Variants in COL22A1 observed in about 807,000 individuals in gnomAD.
COL22A1 encodes the protein collagen type XXII alpha 1 chain, also known as collagen alpha-1(XXII) chain.
Under a neutral mutation model 248.9 loss-of-function variants are expected in COL22A1, and 221 were observed. The ratio of observed to expected loss-of-function variants is 0.89; its 90% confidence interval spans 0.80 to 0.99. The LOEUF (loss-of-function observed/expected upper bound fraction) is 0.99. Among genes scored for constraint, COL22A1 ranks in the 50% least tolerant of loss-of-function variants. The pLI is 0.00. For synonymous variants in COL22A1, 891 were observed against 793.4 expected (o/e 1.12, Z -2.07); for missense variants, 2,240 against 2,179.0 (o/e 1.03, Z -0.56).
chr8:138,708,418 G>C (rs2131032890), intron 30 of COL22A1, among the ~76,000 whole-genome samples: 1 of 152,274 alleles, frequency 6.6e-6, no homozygotes, highest in African/African-American at 2.4e-5. Context: ...AAAACAGCAT[G>C]GTACTGGTAC....
intron 1 of COL22A1, among the ~76,000 whole-genome samples, chr8:138,892,045 A>G (rs1169337089): frequency 1.3e-5 from 2 of 152,164 alleles, no homozygotes; most frequent in Admixed American, 1.3e-4. Context: ...ATTTGCTAAT[A>G]TTTTGTTGAG....
At chr8:138,802,731 A>G (rs1586777143) in intron 11 of COL22A1, 141 bp downstream of exon 11, 1 of 706,642 alleles carries the variant, frequency 1.4e-6, no homozygotes, top group Non-Finnish European at 2.6e-6. Flanking sequence ...CTAGGGCTTC[A>G]TCTTGAGGGT....
Position 138,715,665 on chromosome 8 carries a change from G to C in COL22A1, c.2517+17C>G. On this transcript the variant is annotated intron_variant, in intron 30 of 64. Transcript: ENST00000303045. Reference sequence around the variant, plus strand: ...TAATAATAATTGATGGTCAGAATGAGAGCAAGTTTCTCCTACCTTTTCACC... The same window carrying C: ...TAATAATAATTGATGGTCAGAATGACAGCAAGTTTCTCCTACCTTTTCACC... 3 of 1,600,750 alleles carry C rather than the reference G, an allele frequency of 1.9e-6. No homozygotes were observed. Among genetic ancestry groups the C allele is most frequent in the Non-Finnish European group, 2.6e-6 (3 of 1,170,886 alleles).
At chr8:138,652,627 C>A (rs1356927052) in intron 45 of COL22A1, among the ~76,000 whole-genome samples, 1 of 150,564 alleles carries the variant, frequency 6.6e-6, no homozygotes, top group African/African-American at 2.4e-5. Context: ...ATAATGCATA[C>A]AAAGTGCCTA....
intron 3 of COL22A1, among the ~76,000 whole-genome samples, chr8:138,847,858 G>A (rs1194225384): frequency 6.6e-6 from 1 of 151,508 alleles, no homozygotes; most frequent in East Asian, 1.9e-4. Context: ...TTCTTCACTT[G>A]CAGTTGAGTG....
chr8:138,598,932 C>T, intron 60 of COL22A1, 34 bp from the exon 61 acceptor site: 1 of 1,610,260 alleles, frequency 6.2e-7, no homozygotes. Flanking sequence ...GCATGTGTCT[C>T]AGGGCTGGAA....
intron 1 of COL22A1, among the ~76,000 whole-genome samples, chr8:138,886,997 T>A (rs1364874153): frequency 6.6e-6 from 1 of 152,174 alleles, no homozygotes; most frequent in Non-Finnish European, 1.5e-5. Context: ...CAACATGAAA[T>A]AGCCACATCA....
Position 138,765,745 on chromosome 8 carries a change from C to T in COL22A1, c.1804-3279G>A, listed in dbSNP as rs562838805. Among the ~76,000 whole-genome samples the T allele has an allele frequency of 7.9e-5, 12 of 152,236 alleles. No homozygotes were observed. The South Asian group carries it at 1.0e-3, about 13-fold the overall frequency. ...CCAAAGCTGTCTGTCTTGCAGACGG[C>T]GGGGAGGCAGGACCCAGCTCAGCTT... On this transcript the variant is annotated intron_variant, in intron 16 of 64. Transcript: ENST00000303045.
At chr8:138,612,752 C>T (rs1818966245) in intron 56 of COL22A1, among the ~76,000 whole-genome samples, 1 of 151,640 alleles carries the variant, frequency 6.6e-6, no homozygotes, top group Non-Finnish European at 1.5e-5. Context: ...CGTGGCAAAA[C>T]CCCATCTCTA....
Position 138,594,522 on chromosome 8 carries a change from C to T in COL22A1, c.4433-323G>A, listed in dbSNP as rs114587738. The stretch of plus-strand genomic sequence containing the variant: ...CCAGGCTGGGATCCCAGGACAGCCA[C>T]GGACAGCCAGGTGGCCTTGAGCAAG... On this transcript the variant is annotated intron_variant, in intron 62 of 64. Transcript: ENST00000303045. Among the ~76,000 whole-genome samples, 1,260 of 152,284 alleles carry T rather than the reference C, an allele frequency of 8.3e-3. 19 individuals are homozygous for T. The highest frequency in any genetic ancestry group is 0.028 in the African/African-American group (1,181 of 41,556).
In COL22A1 at chr8:138,885,854, C is replaced by T. The variant is rs141469361; in HGVS notation, c.-72-2610G>A. Among the ~76,000 whole-genome samples, 363 of 152,344 alleles carry T rather than the reference C, an allele frequency of 2.4e-3. 1 individual carries two copies. Among genetic ancestry groups the T allele is most frequent in the Middle Eastern group, 0.01 (3 of 294 alleles). On this transcript the variant is annotated intron_variant, in intron 1 of 64. Transcript: ENST00000303045. The stretch of plus-strand genomic sequence containing the variant: ...GTAGTATTACAGGCATGAGCCACTG[C>T]GCCCAGCCTCACACAGCTTTTAGCA...
Position 138,617,000 on chromosome 8 carries a change from T to C in COL22A1, c.3826-42A>G, listed in dbSNP as rs755750993. 7.4e-6 allele frequency: 12 copies of C among 1,611,982 alleles called. No homozygotes were observed. The Middle Eastern group carries it at 1.0e-3, about 134-fold the overall frequency. On this transcript the variant is annotated intron_variant, in intron 53 of 64. Transcript: ENST00000303045. ...GGAGTTATTCCATGATAGAGCAGGC[T>C]CTTGGGGCAGAAGTGGGCAGGCATA... is the stretch of plus-strand genomic sequence containing the variant.
At chr8:138,591,968 T>C (rs1422973980) in intron 63 of COL22A1, among the ~76,000 whole-genome samples, 1 of 152,230 alleles carries the variant, frequency 6.6e-6, no homozygotes, top group African/African-American at 2.4e-5. Flanking sequence ...CTATGCTTCC[T>C]GTGTTTTCAA....
chr8:138,723,083 A>C (rs1830024395), intron 25 of COL22A1, among the ~76,000 whole-genome samples: 1 of 151,996 alleles, frequency 6.6e-6, no homozygotes. Context: ...AAAATGTGTC[A>C]GGCACACACA....
intron 22 of COL22A1, among the ~76,000 whole-genome samples, chr8:138,746,268 C>T (rs564795620): frequency 2.0e-4 from 30 of 152,302 alleles, no homozygotes; most frequent in Non-Finnish European, 4.0e-4. Context: ...CCGTCAGCCT[C>T]GTCTCTTCCC....
intron 64 of COL22A1, among the ~76,000 whole-genome samples, chr8:138,590,784 A>C (rs1816974502): frequency 6.6e-6 from 1 of 152,198 alleles, no homozygotes; most frequent in South Asian, 2.1e-4. Flanking sequence ...GCTGCATTGC[A>C]GAGATCTTCC....
intron 1 of COL22A1, among the ~76,000 whole-genome samples, chr8:138,911,504 G>A (rs1815448613): frequency 6.6e-6 from 1 of 152,200 alleles, no homozygotes; most frequent in African/African-American, 2.4e-5. Flanking sequence ...GTCTTCAGAG[G>A]CCCTGCAGGT....
chr8:138,609,789 C>T (rs1415372599), intron 56 of COL22A1, among the ~76,000 whole-genome samples: 1 of 152,128 alleles, frequency 6.6e-6, no homozygotes, highest in South Asian at 2.1e-4. Flanking sequence ...AGGCCATGTG[C>T]ACAGAAGGCA....
intron 25 of COL22A1, 24 bp downstream of exon 25, chr8:138,724,591 A>C: frequency 6.2e-7 from 1 of 1,611,924 alleles, no homozygotes; most frequent in South Asian, 1.1e-5. Context: ...GGAGGGGAGC[A>C]GGAAGATGTT....
Sources: gnomAD v4.1 joint callset for allele counts (sites outside exome capture counted in the v4.1 genomes callset) on GRCh38, gnomAD v4.1.1 for gene constraint, MANE v1.5 for transcripts, NCBI Gene and HGNC (gene_info 2026-07-23, HGNC 2026-07-21) for gene names.